The following FREM2 variants were observed in gnomAD, a reference collection of about 807,000 sequenced individuals.
The protein encoded by FREM2 is FRAS1 related extracellular matrix 2.
In FREM2, 119 loss-of-function variants were observed where a neutral mutation model predicts 219.9. The ratio of observed to expected loss-of-function variants is 0.54; its 90% CI spans 0.47 to 0.63. FREM2 has a LOEUF of 0.63. FREM2 is among the 30% of genes least tolerant of loss of function. The pLI is 0.00. For synonymous variants in FREM2, 1,562 were observed against 1,522.8 expected (o/e 1.03, Z -0.60); for missense variants, 4,030 against 3,993.6 (o/e 1.01, Z -0.25).
chr13:38,780,057 G>A (rs1024982964), intron 4 of FREM2, among the ~76,000 whole-genome samples: 14 of 151,854 alleles, frequency 9.2e-5, no homozygotes, highest in African/African-American at 2.2e-4. Flanking sequence ...ATTTTGACTC[G>A]TGGCTCTACA....
intron 6 of FREM2, among the ~76,000 whole-genome samples, chr13:38,842,247 G>A (rs1823323127): frequency 6.6e-6 from 1 of 152,210 alleles, no homozygotes; most frequent in Admixed American, 6.5e-5. Flanking sequence ...CCCAAGAACA[G>A]TAAGCAAAGT....
At chr13:38,789,826 A>G (rs1181908551) in intron 6 of FREM2, among the ~76,000 whole-genome samples, 1 of 150,344 alleles carries the variant, frequency 6.7e-6, no homozygotes, top group Non-Finnish European at 1.5e-5. Flanking sequence ...AATAATTTAG[A>G]TATTTATTTT....
intron 5 of FREM2, among the ~76,000 whole-genome samples, 190 bp from the exon 6 acceptor site, chr13:38,784,367 G>A (rs369495780): frequency 6.6e-6 from 1 of 152,206 alleles, no homozygotes; most frequent in Non-Finnish European, 1.5e-5. Context: ...TTCCTTATAG[G>A]TGTATAGGTT....
rs532954262 is a variant in FREM2 at position 38,861,661 on chromosome 13, G to T, written c.7651+99G>T. On this transcript the variant is annotated intron_variant, in intron 15 of 23. Transcript: ENST00000280481. ...TCTAAATAACCAAGCTTAAATAAAC[G>T]TTCAATTTGCAACTTGAGCTTCAAG... 2.1e-4 allele frequency: 286 copies of T among 1,347,516 alleles called. 4 individuals carry two copies. The Middle Eastern group carries it at 6.6e-3, about 31-fold the overall frequency. 83.5% of individuals were successfully genotyped at this position (1,347,516 alleles called of 1,614,324 possible). A position where few individuals can be genotyped will look rare whatever the true frequency, so the allele number is the denominator to read the frequency against.
chr13:38,700,502 T>A (rs1225953958), intron 2 of FREM2, among the ~76,000 whole-genome samples: 1 of 152,112 alleles, frequency 6.6e-6, no homozygotes, highest in African/African-American at 2.4e-5. Flanking sequence ...CATACACAGA[T>A]CCTTGTATCT....
At chr13:38,771,951 A>G (rs932710855) in intron 4 of FREM2, among the ~76,000 whole-genome samples, 5 of 152,194 alleles carry the variant, frequency 3.3e-5, no homozygotes, top group Admixed American at 1.3e-4. Context: ...TACTTCTAAC[A>G]TCATAAATCT....
chr13:38,690,667 T>C lies in FREM2; in HGVS notation c.3323T>C (p.Ile1108Thr), dbSNP rs1306154085. 2 of 1,613,958 alleles carry C rather than the reference T, an allele frequency of 1.2e-6. No homozygotes were observed. The highest frequency in any genetic ancestry group is 2.2e-5 in the South Asian group (2 of 91,082). The change falls in exon 1 of 24, where the codon ATT becomes ACT. Residue 1108 changes from isoleucine (I) to threonine (T), a missense_variant. Around this residue, in one of 2 missense-constraint regions of FREM2, gnomAD observed 3,102 missense variants for 2,950.7 expected, o/e 1.05. Coordinates refer to ENST00000280481, the MANE Select transcript of FREM2 (RefSeq NM_207361.6). ...GATGACATCTTGTGCACTATAGTTA[T>C]TCAGCCTACTTCAGGTTATGTTGAA... ...LNDDILCTIV[I>T]QPTSGYVENI...
chr13:38,857,113 TTTA>T (rs1348103252), intron 12 of FREM2, among the ~76,000 whole-genome samples: 1 of 152,182 alleles, frequency 6.6e-6, no homozygotes, highest in Non-Finnish European at 1.5e-5. Context: ...AGATGAATCT[TTTA>T]TTATTATTTT....
rs1322670275 is a variant in FREM2 at position 38,692,430 on chromosome 13, C to T, written c.5086C>T (p.Leu1696Phe). 1 of 1,613,734 alleles carries T rather than the reference C, an allele frequency of 6.2e-7. No homozygotes were observed. Among genetic ancestry groups the T allele is most frequent in the Non-Finnish European group, 8.5e-7 (1 of 1,179,936 alleles). ...GGACAGAGACAGCTTACACATTTCT[C>T]TTAGATTTATCGTGACAGAGGCCCC... is the stretch of plus-strand genomic sequence containing the variant. Reference protein sequence around the residue: ...VEDRDSLHISLRFIVTEAPQH... With the variant: ...VEDRDSLHISFRFIVTEAPQH... The change falls in exon 1 of 24, where the codon CTT (leucine) becomes TTT (phenylalanine). Residue 1696 changes from leucine to phenylalanine, a missense_variant. By Grantham distance (22) the Leu-to-Phe change is conservative. Around this residue, in one of 2 missense-constraint regions of FREM2, gnomAD observed 3,102 missense variants for 2,950.7 expected, o/e 1.05. Coordinates refer to ENST00000280481, the MANE Select transcript of FREM2 (RefSeq NM_207361.6).
In FREM2 at chr13:38,732,597, T is replaced by C. The variant is rs184939962; in HGVS notation, c.5264-31707T>C. On this transcript the variant is annotated intron_variant, in intron 2 of 23. Coordinates refer to ENST00000280481, the MANE Select transcript of FREM2 (RefSeq NM_207361.6). ...GTGGAAAGCCGGGGGAACTGACAAA[T>C]CAGACACAACTGGGTTGAAATTCCA... 7.2e-5 allele frequency among the ~76,000 whole-genome samples: 11 copies of C among 152,262 alleles called. No homozygotes were observed. The East Asian group carries it at 2.1e-3, about 29-fold the overall frequency.
chr13:38,877,363 A>G (rs1878378393), intron 21 of FREM2, 120 bp downstream of exon 21: 1 of 1,128,414 alleles, frequency 8.9e-7, no homozygotes, highest in Admixed American at 1.7e-5. Flanking sequence ...TGAGAATGTA[A>G]CTGGGTCTTT....
chr13:38,747,395 A>ATGTGTGTGTGTGTGTGTGTGTG (rs71917471), intron 2 of FREM2, among the ~76,000 whole-genome samples: 123 of 142,990 alleles, frequency 8.6e-4, no homozygotes, highest in African/African-American at 3.2e-3. Context: ...CTGATATAAT[A>ATGTGTGTGTGTGTGTGTGTGTG]TGTGTGTGTG....
intron 16 of FREM2, among the ~76,000 whole-genome samples, chr13:38,871,285 A>G (rs912435495): frequency 6.6e-6 from 1 of 152,208 alleles, no homozygotes; most frequent in African/African-American, 2.4e-5. Flanking sequence ...AGAATGTTCT[A>G]AATTATAGTT....
intron 6 of FREM2, among the ~76,000 whole-genome samples, chr13:38,791,864 TTAAAG>T (rs1395705933): frequency 3.9e-5 from 6 of 152,244 alleles, no homozygotes; most frequent in Non-Finnish European, 7.3e-5. Flanking sequence ...AGAAAGTATT[TTAAAG>T]TAAAGAGTGA....
rs1325421982 is a variant in FREM2, at chr13:38,690,511, G to C, written c.3167G>C (p.Trp1056Ser). ...AATACTATCCAAGGAGTTACTATATGGGTGACCATCCTGCCTGTTGATAGC... is the reference window on the plus strand; with the variant it reads ...AATACTATCCAAGGAGTTACTATATCGGTGACCATCCTGCCTGTTGATAGC... The part of the protein sequence containing the change: ...GGNTIQGVTI[W>S]VTILPVDSQA... The change falls in exon 1 of 24, where the codon TGG becomes TCG. Residue 1056 changes from tryptophan to serine, a missense_variant. Trp to Ser is a radical substitution (Grantham distance 177). Around this residue, in one of 2 missense-constraint regions of FREM2, gnomAD observed 3,102 missense variants for 2,950.7 expected, o/e 1.05. Coordinates refer to ENST00000280481, the MANE Select transcript of FREM2 (RefSeq NM_207361.6). 1 of 1,614,180 alleles carries C rather than the reference G, an allele frequency of 6.2e-7. No homozygotes were observed. The highest frequency in any genetic ancestry group is 1.6e-4 in the Middle Eastern group (1 of 6,062).
chr13:38,840,556 A>G (rs1329220202), intron 6 of FREM2, among the ~76,000 whole-genome samples: 1 of 150,950 alleles, frequency 6.6e-6, no homozygotes, highest in African/African-American at 2.4e-5. Context: ...AGCCAAGTAG[A>G]GAGTGTAAGG....
In FREM2 at chr13:38,782,403, T is replaced by C. The variant is rs111608101; in HGVS notation, c.5642-667T>C. Among the ~76,000 whole-genome samples the C allele has an allele frequency of 5.9e-5, 9 of 152,304 alleles. No individual in the cohort carries two copies. In the South Asian group the frequency reaches 6.2e-4, roughly 11 times the overall value. On this transcript the variant is annotated intron_variant, in intron 4 of 23. Coordinates refer to ENST00000280481, the MANE Select transcript of FREM2 (RefSeq NM_207361.6). ...TTTGACTGTGTTAAAAAAGAATCAT[T>C]GGTAATATTGTATATGTTATTCTGT...
chr13:38,704,304 T>C (rs1210224461), intron 2 of FREM2, among the ~76,000 whole-genome samples: 8 of 152,192 alleles, frequency 5.3e-5, no homozygotes, highest in Non-Finnish European at 1.2e-4. Context: ...TGACCTGAGA[T>C]TCATCCTTAG....
chr13:38,840,568 A>G (rs532963024), intron 6 of FREM2, among the ~76,000 whole-genome samples: 33 of 150,882 alleles, frequency 2.2e-4, no homozygotes, highest in Admixed American at 5.3e-4. Context: ...AGTGTAAGGT[A>G]TAGAATCACA....
Sources: allele counts gnomAD v4.1 joint callset (sites outside exome capture counted in the v4.1 genomes callset), GRCh38; gene constraint gnomAD v4.1.1; regional missense constraint gnomAD v4.1.1; transcripts MANE v1.5; gene names NCBI Gene and HGNC (gene_info 2026-07-23, HGNC 2026-07-21).